SLC44A2: variants seen among roughly 807,000 people sequenced by gnomAD.
SLC44A2 encodes solute carrier family 44 member 2 (CTL2 blood group).
Under a neutral mutation model 90.8 loss-of-function variants are expected in SLC44A2, and 57 were observed. The ratio of observed to expected loss-of-function variants is 0.63; its 90% confidence interval spans 0.51 to 0.78. The LOEUF is 0.78. Among genes scored for constraint, SLC44A2 ranks in the 30% least tolerant of loss-of-function variants. SLC44A2 has a pLI of 0.00. For synonymous variants in SLC44A2, 355 were observed against 360.7 expected (o/e 0.98, Z 0.18); for missense variants, 794 against 919.7 (o/e 0.86, Z 1.77).
intron 4 of SLC44A2, among the ~76,000 whole-genome samples, chr19:10,630,240 G>A (rs2066979244): frequency 6.6e-6 from 1 of 152,072 alleles, no homozygotes; most frequent in South Asian, 2.1e-4. Flanking sequence ...AGTCTCAGCT[G>A]CTCAGGAGGA....
In SLC44A2 at chr19:10,627,704, T is replaced by A. The variant is rs1210186190; in HGVS notation, c.87-18T>A. ...ACAGCACCAAGCCTCCTCCAAACAC[T>A]GCCCCTCTGCTCCCCAGGGGCTGCA... On this transcript the variant is annotated intron_variant, in intron 2 of 21. Coordinates refer to ENST00000335757, the MANE Select transcript of SLC44A2 (RefSeq NM_020428.4). 1 of 1,612,350 alleles carries A rather than the reference T, an allele frequency of 6.2e-7. No individual in the cohort carries two copies. Among genetic ancestry groups the A allele is most frequent in the East Asian group, 2.2e-5 (1 of 44,880 alleles).
chr19:10,620,573 G>A (rs2066888561), upstream of SLC44A2, among the ~76,000 whole-genome samples: 1 of 152,102 alleles, frequency 6.6e-6, no homozygotes, highest in Non-Finnish European at 1.5e-5. Context: ...TATATATTGT[G>A]GCTATTCATT....
intron 20 of SLC44A2, chr19:10,641,543 G>A (rs2144894792): frequency 5.4e-6 from 2 of 367,476 alleles, no homozygotes; most frequent in East Asian, 7.6e-5. Context: ...ACATGCAGAG[G>A]CCCAGGGGTT....
chr19:10,628,073 C>T, intron 4 of SLC44A2, 69 bp downstream of exon 4: 11 of 1,381,438 alleles, frequency 8.0e-6, no homozygotes, highest in Non-Finnish European at 1.1e-5. Flanking sequence ...CATTCCCCAT[C>T]TCTCTAAGTC....
At chr19:10,614,924 T>C (rs903420112) in intron 1 of SLC44A2, among the ~76,000 whole-genome samples, 3 of 147,638 alleles carry the variant, frequency 2.0e-5, no homozygotes, top group African/African-American at 7.6e-5. Context: ...TGAGCCAAGA[T>C]TGCGCCACTG....
At chr19:10,629,513 G>C (rs2066970956) in intron 4 of SLC44A2, among the ~76,000 whole-genome samples, 1 of 151,468 alleles carries the variant, frequency 6.6e-6, no homozygotes, top group Non-Finnish European at 1.5e-5. Flanking sequence ...CCTGACCTCA[G>C]GTTATCTGCC....
At chr19:10,621,592 T>C (rs899507892), upstream of SLC44A2, among the ~76,000 whole-genome samples, 6 of 151,638 alleles carry the variant, frequency 4.0e-5, no homozygotes, top group African/African-American at 1.2e-4. Context: ...TACAGGTATG[T>C]GTCACCACAC....
chr19:10,641,172 C>T (rs561871710), intron 20 of SLC44A2: 11 of 359,834 alleles, frequency 3.1e-5, no homozygotes, highest in East Asian at 1.6e-4. Flanking sequence ...GCAGGCAGAT[C>T]GCTTGAGCTC....
chr19:10,622,651 C>T (rs2066901555), upstream of SLC44A2, among the ~76,000 whole-genome samples: 1 of 152,074 alleles, frequency 6.6e-6, no homozygotes, highest in Admixed American at 6.6e-5. Flanking sequence ...CCTATAATTA[C>T]AGCACTTTGG....
At chr19:10,642,936 C>A in intron 21 of SLC44A2, 2 of 1,595,202 alleles carry the variant, frequency 1.3e-6, no homozygotes, top group Non-Finnish European at 1.7e-6. Context: ...CAGGAGCGAC[C>A]CTACTTCATG....
chr19:10,625,451 G>T (rs1379673778), upstream of SLC44A2: 44 of 1,214,434 alleles, frequency 3.6e-5, no homozygotes, highest in South Asian at 1.3e-4. Flanking sequence ...CGCCCTCCCG[G>T]GTCCCTTAGT....
rs760515529 is a variant in SLC44A2, at chr19:10,642,984, C to T, written c.2015-295C>T. The T allele has an allele frequency of 9.5e-6, 15 of 1,580,014 alleles. No homozygotes were observed. The African/African-American group carries it at 1.1e-4, about 11-fold the overall frequency. On this transcript the variant is annotated intron_variant, in intron 21 of 21. Coordinates refer to ENST00000335757, the MANE Select transcript of SLC44A2 (RefSeq NM_020428.4). The stretch of plus-strand genomic sequence containing the variant: ...AGAGACATCCTGTTGAAGGGGAGTG[C>T]GGAGGAGGGGAAGCGGGCAGAAGCC...
At chr19:10,632,178 G>A (rs754723232) in intron 10 of SLC44A2, 22 bp downstream of exon 10, 2 of 1,597,424 alleles carry the variant, frequency 1.3e-6, no homozygotes, top group East Asian at 2.2e-5. Context: ...CCTCCCTGTG[G>A]CTTCTCTTTC....
chr19:10,632,067 TGA>T lies in SLC44A2; in HGVS notation c.736_737del (p.Ser246ProfsTer43). On this transcript the variant is annotated frameshift_variant, in exon 10 of 22. Transcript: ENST00000335757. LOFTEE classifies it high-confidence loss of function. ...AGAGGCCTGGTCATTGCCATGGCGA[TGA>T]GCCTCCTGTTCATCATCCTGCTTCG... 6.2e-7 allele frequency: 1 copy of T among 1,614,116 alleles called. No homozygotes were observed. The highest frequency in any genetic ancestry group is 1.3e-5 in the African/African-American group (1 of 75,040).
Position 10,642,846 on chromosome 19 carries a change from CCCTT to C in SLC44A2, c.2014+398_2014+401del. On this transcript the variant is annotated intron_variant, in intron 21 of 21. Transcript: ENST00000335757. ...TTCTTCCCTGCCTCCCTCTTTCCCT[CCCTT>C]CCCGACCACCCCATTTTCCCCCTGC... is the stretch of plus-strand genomic sequence containing the variant. 13 of 1,524,424 alleles carry C rather than the reference CCCTT, an allele frequency of 8.5e-6. No individual in the cohort carries two copies. The South Asian group carries it at 1.6e-4, about 18-fold the overall frequency. 94.4% of individuals were successfully genotyped at this position (1,524,424 alleles called of 1,614,324 possible).
At chr19:10,619,446 T>G (rs929410569) in intron 1 of SLC44A2, among the ~76,000 whole-genome samples, 88 of 138,888 alleles carry the variant, frequency 6.3e-4, no homozygotes, top group Middle Eastern at 3.8e-3. Flanking sequence ...AAAAAAAAAG[T>G]GTTTTTTTTT....
At chr19:10,625,175 C>T (rs2066920114), upstream of SLC44A2, 1 of 162,088 alleles carries the variant, frequency 6.2e-6, no homozygotes. Context: ...TAATTTCCTG[C>T]ACAGCTTGGA....
intron 2 of SLC44A2, among the ~76,000 whole-genome samples, chr19:10,627,362 C>T (rs1440697598): frequency 2.0e-5 from 3 of 151,238 alleles, no homozygotes; most frequent in Non-Finnish European, 2.9e-5. Flanking sequence ...ATAGCGAGAC[C>T]TTGTCTCTAC....
chr19:10,630,389 G>C (rs930005468), intron 4 of SLC44A2, among the ~76,000 whole-genome samples: 2 of 152,124 alleles, frequency 1.3e-5, no homozygotes, highest in African/African-American at 4.8e-5. Flanking sequence ...GGGCGCAGTG[G>C]CTCACGCATA....
Sources: allele counts gnomAD v4.1 joint callset (sites outside exome capture counted in the v4.1 genomes callset), GRCh38; gene constraint gnomAD v4.1.1; transcripts MANE v1.5; gene names NCBI Gene and HGNC (gene_info 2026-07-23, HGNC 2026-07-21).